RERE: variants seen among roughly 807,000 people sequenced by gnomAD.
The protein encoded by RERE is arginine-glutamic acid dipeptide repeats protein.
Under a neutral mutation model 146.1 loss-of-function variants are expected in RERE, and 40 were observed. The observed-to-expected ratio is 0.27, with a 90% CI of 0.21 to 0.36. The LOEUF (loss-of-function observed/expected upper bound fraction) is 0.36. Ranked by LOEUF, RERE falls within the 10% of genes least tolerant of loss-of-function variation. The pLI, the probability that RERE is intolerant of heterozygous loss-of-function variation, is 1.00. For missense variants in RERE, 1,933 were observed against 2,138.7 expected (o/e 0.90, Z 1.90); for synonymous variants, 1,003 against 866.0 (o/e 1.16, Z -2.78).
chr1:8,413,039 A>C (rs1643656240), intron 12 of RERE, among the ~76,000 whole-genome samples: 1 of 152,222 alleles, frequency 6.6e-6, no homozygotes. Context: ...AAAACAATGA[A>C]GAGTTTTCAC....
At chr1:8,559,325 A>C (rs1287783752) in intron 4 of RERE, among the ~76,000 whole-genome samples, 4 of 150,098 alleles carry the variant, frequency 2.7e-5, no homozygotes, top group Non-Finnish European at 4.4e-5. Context: ...CAAAACAAAA[A>C]ACCAAAGTAA....
At chr1:8,597,700 C>G (rs895967961) in intron 4 of RERE, among the ~76,000 whole-genome samples, 6 of 152,060 alleles carry the variant, frequency 3.9e-5, no homozygotes, top group African/African-American at 1.4e-4. Flanking sequence ...AATGTGCACA[C>G]TCGAAACAAG....
At chr1:8,458,574 C>A (rs117270548) in intron 11 of RERE, among the ~76,000 whole-genome samples, 1 of 152,038 alleles carries the variant, frequency 6.6e-6, no homozygotes, top group Non-Finnish European at 1.5e-5. Context: ...TGTGCGCATG[C>A]GCGCACACAC....
At chr1:8,736,409 G>A (rs536181094) in intron 1 of RERE, among the ~76,000 whole-genome samples, 6 of 152,100 alleles carry the variant, frequency 3.9e-5, no homozygotes, top group South Asian at 2.1e-4. Flanking sequence ...GGGTTTCACC[G>A]TCTTAACCAG....
intron 2 of RERE, among the ~76,000 whole-genome samples, chr1:8,647,885 T>C (rs893800649): frequency 3.9e-5 from 6 of 152,232 alleles, no homozygotes; most frequent in African/African-American, 7.2e-5. Flanking sequence ...CCCTCCCCAC[T>C]TTAAACAGTA....
chr1:8,401,374 G>A (rs1643258566), intron 12 of RERE, among the ~76,000 whole-genome samples: 2 of 151,544 alleles, frequency 1.3e-5, no homozygotes, highest in South Asian at 4.2e-4. Context: ...CCCGGGAGGT[G>A]GAGTTTGCAG....
Position 8,509,399 on chromosome 1 carries a change from GCCATCCAT to G in RERE, c.831-732_831-725del, listed in dbSNP as rs755830199. 6.1e-4 allele frequency among the ~76,000 whole-genome samples: 84 copies of G among 137,346 alleles called. 1 individual carries two copies. The highest frequency in any genetic ancestry group is 4.6e-4 in the Admixed American group (6 of 13,068). 90.1% of individuals were successfully genotyped at this position (137,346 alleles called of 152,430 possible). ...AAACTTATCCTAGGACATATACTGAGCCATCCATCCATCCATCCATCCATCCATCCATC... is the reference window on the plus strand; with the variant it reads ...AAACTTATCCTAGGACATATACTGAGCCATCCATCCATCCATCCATCCATC... On this transcript the variant is annotated intron_variant, in intron 7 of 22. Transcript: ENST00000400908.
chr1:8,403,029 GCTGGGACTA>G (rs1287750325), intron 12 of RERE, among the ~76,000 whole-genome samples: 1 of 152,110 alleles, frequency 6.6e-6, no homozygotes, highest in Non-Finnish European at 1.5e-5. Flanking sequence ...CTCCCTGGTA[GCTGGGACTA>G]CAGGCGCGCA....
chr1:8,803,241 G>T (rs1365676583), intron 1 of RERE, among the ~76,000 whole-genome samples: 1 of 152,072 alleles, frequency 6.6e-6, no homozygotes, highest in East Asian at 1.9e-4. Flanking sequence ...ACTCTGAGAG[G>T]CCGAGGCGGG....
chr1:8,657,909 T>A (rs1638360342), intron 1 of RERE, among the ~76,000 whole-genome samples: 1 of 152,192 alleles, frequency 6.6e-6, no homozygotes, highest in Admixed American at 6.5e-5. Context: ...CAAGCTTCCA[T>A]CTTTCGGGAA....
intron 12 of RERE, among the ~76,000 whole-genome samples, chr1:8,401,179 C>T (rs1272324936): frequency 6.6e-6 from 1 of 151,078 alleles, no homozygotes; most frequent in Non-Finnish European, 1.5e-5. Context: ...ATTTCACCCA[C>T]TGAATTTTAT....
chr1:8,424,635 G>C (rs1025435528), intron 11 of RERE: 2 of 152,190 alleles, frequency 1.3e-5, no homozygotes, highest in African/African-American at 4.8e-5. Context: ...GCATATCACC[G>C]GGAGAGACGG....
intron 2 of RERE, among the ~76,000 whole-genome samples, chr1:8,646,410 T>C (rs1486087211): frequency 6.6e-6 from 1 of 152,014 alleles, no homozygotes; most frequent in Non-Finnish European, 1.5e-5. Context: ...CGTGCACCTG[T>C]AGTTCCAGCT....
At chr1:8,650,665 G>T (rs894473912) in intron 2 of RERE, among the ~76,000 whole-genome samples, 4 of 152,072 alleles carry the variant, frequency 2.6e-5, no homozygotes, top group Non-Finnish European at 5.9e-5. Context: ...TTAGGAGGCC[G>T]GGGCGGGCAG....
At chr1:8,767,732 C>T (rs1194824019) in intron 1 of RERE, among the ~76,000 whole-genome samples, 1 of 151,996 alleles carries the variant, frequency 6.6e-6, no homozygotes, top group Non-Finnish European at 1.5e-5. Context: ...GAGGCCAAGG[C>T]AGGCGGATCA....
At chr1:8,636,288 A>T (rs971704538) in intron 2 of RERE, among the ~76,000 whole-genome samples, 1 of 146,722 alleles carries the variant, frequency 6.8e-6, no homozygotes, top group Non-Finnish European at 1.5e-5. Context: ...GCACCCGGCC[A>T]TCTTCAATAA....
At chr1:8,471,682 T>C (rs1025188988) in intron 10 of RERE, among the ~76,000 whole-genome samples, 2 of 152,084 alleles carry the variant, frequency 1.3e-5, no homozygotes, top group Admixed American at 6.6e-5. Context: ...CTGGCTAATT[T>C]TTTTTATTTT....
chr1:8,812,986 CAAG>C (rs1641842367), intron 1 of RERE, among the ~76,000 whole-genome samples: 1 of 151,820 alleles, frequency 6.6e-6, no homozygotes, highest in African/African-American at 2.4e-5. Flanking sequence ...CTCTGTTAGA[CAAG>C]AAACCAAACA....
intron 1 of RERE, among the ~76,000 whole-genome samples, chr1:8,812,622 G>C (rs1641834413): frequency 6.6e-6 from 1 of 151,984 alleles, no homozygotes; most frequent in Non-Finnish European, 1.5e-5. Context: ...CTCCAGCCTG[G>C]GTGACAGAGC....
Sources: allele counts gnomAD v4.1 joint callset (sites outside exome capture counted in the v4.1 genomes callset), GRCh38; gene constraint gnomAD v4.1.1; transcripts MANE v1.5; gene names NCBI Gene and HGNC (gene_info 2026-07-23, HGNC 2026-07-21).